ENOX1: variants seen among roughly 807,000 people sequenced by gnomAD.
The protein encoded by ENOX1 is ecto-NOX disulfide-thiol exchanger 1, also known as candidate growth-related and time keeping constitutive hydroquinone (NADH) oxidase.
In ENOX1, 42 loss-of-function variants were observed where a neutral mutation model predicts 82.5. That is an observed-to-expected ratio of 0.51 (90% confidence interval 0.40 to 0.66). ENOX1 has a LOEUF of 0.66. ENOX1 is among the 30% of genes least tolerant of loss of function. The probability of loss-of-function intolerance (pLI) is 0.00; values close to 1 mark genes in which losing one functional copy is unlikely to be tolerated. For missense variants in ENOX1, 608 were observed against 811.6 expected, an observed-to-expected ratio of 0.75 and a Z score of 3.05; for synonymous variants, 271 against 282.2, an observed-to-expected ratio of 0.96 and a Z score of 0.40.
chr13:43,510,131 A>G (rs1449241306), intron 2 of ENOX1, among the ~76,000 whole-genome samples: 1 of 152,102 alleles, frequency 6.6e-6, no homozygotes, highest in Non-Finnish European at 1.5e-5. Context: ...AGAATAATCT[A>G]TAAATATTAT....
At chr13:43,304,281 C>CA (rs1566465961) in intron 11 of ENOX1, among the ~76,000 whole-genome samples, 1 of 152,198 alleles carries the variant, frequency 6.6e-6, no homozygotes, top group Non-Finnish European at 1.5e-5. Context: ...ATATTCTTTA[C>CA]ACAGTATCCT....
At chr13:43,629,791 C>CT (rs1026784943) in intron 2 of ENOX1, among the ~76,000 whole-genome samples, 3 of 152,124 alleles carry the variant, frequency 2.0e-5, no homozygotes, top group African/African-American at 7.2e-5. Flanking sequence ...AACTTAAGAA[C>CT]TTTTTTTATA....
chr13:43,773,596 T>A (rs1329148257), intron 1 of ENOX1, among the ~76,000 whole-genome samples: 1 of 152,202 alleles, frequency 6.6e-6, no homozygotes. Flanking sequence ...CTTGGGACTC[T>A]CACCTGGATA....
chr13:43,605,815 T>C (rs2081953213), intron 2 of ENOX1, among the ~76,000 whole-genome samples: 1 of 152,032 alleles, frequency 6.6e-6, no homozygotes, highest in Non-Finnish European at 1.5e-5. Context: ...TAGGATCACA[T>C]CAAGTTAAAA....
chr13:43,352,342 A>C (rs1291022468), intron 8 of ENOX1, among the ~76,000 whole-genome samples: 2 of 152,260 alleles, frequency 1.3e-5, no homozygotes, highest in African/African-American at 4.8e-5. Flanking sequence ...GGTACAAAGT[A>C]CGTAAAAACT....
At chr13:43,444,632 C>T (rs1235094271) in intron 3 of ENOX1, among the ~76,000 whole-genome samples, 1 of 152,178 alleles carries the variant, frequency 6.6e-6, no homozygotes, top group Non-Finnish European at 1.5e-5. Flanking sequence ...TAGCTAGAAA[C>T]ATATTTCATT....
At chr13:43,667,770 C>G (rs1244567274) in intron 1 of ENOX1, among the ~76,000 whole-genome samples, 1 of 152,184 alleles carries the variant, frequency 6.6e-6, no homozygotes, top group African/African-American at 2.4e-5. Context: ...ATAAACAAAG[C>G]CTCCGAACTG....
chr13:43,390,189 C>T (rs2052685678), intron 5 of ENOX1, among the ~76,000 whole-genome samples: 1 of 152,060 alleles, frequency 6.6e-6, no homozygotes. Context: ...TCACAATAAT[C>T]AATTAATTAG....
At chr13:43,498,515 T>C (rs2076870175) in intron 2 of ENOX1, among the ~76,000 whole-genome samples, 2 of 152,216 alleles carry the variant, frequency 1.3e-5, no homozygotes, top group African/African-American at 4.8e-5. Flanking sequence ...TACTGGACTA[T>C]ATACCTCAAA....
At chr13:43,388,163 T>C (rs2052547472) in intron 5 of ENOX1, among the ~76,000 whole-genome samples, 1 of 152,142 alleles carries the variant, frequency 6.6e-6, no homozygotes, top group South Asian at 2.1e-4. Context: ...AGAGACATGA[T>C]CTAAATAGAA....
chr13:43,760,246 A>G (rs1462770183), intron 1 of ENOX1, among the ~76,000 whole-genome samples: 2 of 152,254 alleles, frequency 1.3e-5, no homozygotes. Context: ...ACCTTGTACT[A>G]AAGGTTTATT....
At position 43,356,119 on chromosome 13, in the gene ENOX1, T is replaced by C; in HGVS notation, c.623A>G (p.Lys208Arg). 1.2e-6 allele frequency: 2 copies of C among 1,614,176 alleles called. No homozygotes were observed. Among genetic ancestry groups the C allele is most frequent in the Non-Finnish European group, 1.7e-6 (2 of 1,180,026 alleles). ...YRMRLGSSTD[K>R]KDSGRLHVDF... is the part of the protein sequence containing the mutation. ...CACATGAAGGCGGCCTGAATCCTTT[T>C]TGTCGGTGCTAGACCCTAATCGCAT... The change falls in exon 8 of 17, where the codon AAA becomes AGA. Residue 208 changes from lysine to arginine, a missense_variant. Transcript: ENST00000690772.
intron 1 of ENOX1, among the ~76,000 whole-genome samples, chr13:43,751,310 T>A (rs923530623): frequency 1.3e-5 from 2 of 152,234 alleles, no homozygotes; most frequent in African/African-American, 4.8e-5. Context: ...CAGAATCTCC[T>A]GCATCACTGC....
At chr13:43,504,908 CT>C (rs1304583068) in intron 2 of ENOX1, among the ~76,000 whole-genome samples, 1 of 151,610 alleles carries the variant, frequency 6.6e-6, no homozygotes, top group Non-Finnish European at 1.5e-5. Flanking sequence ...ATATACTTAT[CT>C]CTAACTCACC....
chr13:43,435,590 C>T (rs2055972342), intron 3 of ENOX1, among the ~76,000 whole-genome samples: 1 of 152,160 alleles, frequency 6.6e-6, no homozygotes, highest in African/African-American at 2.4e-5. Context: ...AAGAAATAAA[C>T]CACGGTACTC....
chr13:43,444,897 C>T lies in ENOX1; in HGVS notation c.-74-31909G>A, dbSNP rs141785669. ...TACCTCTTCCCTGGGCATGTGGCCA[C>T]GAGGCAGGGGGCAGAAGCTGCCCTG... On this transcript the variant is annotated intron_variant, in intron 3 of 16. Coordinates refer to ENST00000690772, the MANE Select transcript of ENOX1 (RefSeq NM_001347969.2). Among the ~76,000 whole-genome samples the T allele has an allele frequency of 3.5e-4, 53 of 152,270 alleles. 1 individual carries two copies. In the East Asian group the frequency reaches 9.3e-3, roughly 27 times the overall value.
intron 8 of ENOX1, among the ~76,000 whole-genome samples, chr13:43,355,461 A>T (rs2050086023): frequency 6.6e-6 from 1 of 152,166 alleles, no homozygotes; most frequent in Middle Eastern, 3.2e-3. Flanking sequence ...GTTTTGCCTG[A>T]AGAAGGCTTT....
chr13:43,683,234 A>T (rs939148762), intron 1 of ENOX1, among the ~76,000 whole-genome samples: 1 of 152,220 alleles, frequency 6.6e-6, no homozygotes, highest in Non-Finnish European at 1.5e-5. Flanking sequence ...AGAAATTTTC[A>T]GGCCCCCCAC....
At chr13:43,733,347 C>G (rs151139176) in intron 1 of ENOX1, among the ~76,000 whole-genome samples, 18 of 152,276 alleles carry the variant, frequency 1.2e-4, no homozygotes, top group Non-Finnish European at 2.4e-4. Context: ...ATGGAAGGCA[C>G]AGTAACTGTG....
Sources: gnomAD v4.1 joint callset for allele counts (sites outside exome capture counted in the v4.1 genomes callset) on GRCh38, gnomAD v4.1.1 for gene constraint, MANE v1.5 for transcripts, NCBI Gene and HGNC (gene_info 2026-07-23, HGNC 2026-07-21) for gene names.